Variants in MRPL3 observed in about 807,000 individuals in gnomAD.
MRPL3 encodes large ribosomal subunit protein uL3m.
Under a neutral mutation model 44.3 loss-of-function variants are expected in MRPL3, and 43 were observed. That is an observed-to-expected ratio of 0.97 (90% CI 0.76 to 1.25). MRPL3 has a LOEUF of 1.25. Ranked by LOEUF, MRPL3 falls within the 50% of genes most tolerant of loss-of-function variation. The pLI, the probability that MRPL3 is intolerant of heterozygous loss-of-function variation, is 0.00. For synonymous variants in MRPL3, 171 were observed against 152.3 expected, an observed-to-expected ratio of 1.12 and a Z score of -0.91; for missense variants, 406 against 427.6, an observed-to-expected ratio of 0.95 and a Z score of 0.45.
At chr3:131,487,591 G>T in intron 6 of MRPL3, 89 bp downstream of exon 6, 3 of 999,006 alleles carry the variant, frequency 3.0e-6, no homozygotes, top group South Asian at 2.8e-5. Flanking sequence ...TTTATTCACT[G>T]ACTTGAAAGA....
intron 6 of MRPL3, among the ~76,000 whole-genome samples, chr3:131,483,795 GAC>G (rs1195724922): frequency 2.1e-5 from 3 of 146,258 alleles, no homozygotes; most frequent in Non-Finnish European, 2.9e-5. Context: ...TTGAAATGCA[GAC>G]AGTGTTTGTT....
intron 6 of MRPL3, among the ~76,000 whole-genome samples, chr3:131,486,958 T>C (rs961361349): frequency 3.3e-5 from 5 of 152,200 alleles, no homozygotes; most frequent in African/African-American, 9.7e-5. Flanking sequence ...ACTGGGTATA[T>C]ACCCAAAGGA....
intron 3 of MRPL3, 38 bp downstream of exon 3, chr3:131,500,392 C>T: frequency 6.6e-7 from 1 of 1,512,824 alleles, no homozygotes; most frequent in Non-Finnish European, 9.2e-7. Context: ...GATCTTGAAA[C>T]ACATAGATAT....
chr3:131,490,123 A>G (rs763373624), intron 4 of MRPL3, 43 bp from the exon 5 acceptor site: 31 of 1,368,614 alleles, frequency 2.3e-5, no homozygotes, highest in Admixed American at 2.2e-4. Context: ...TTGAATATTA[A>G]AAGTGGAATT....
intron 6 of MRPL3, among the ~76,000 whole-genome samples, chr3:131,477,360 T>A (rs1933875966): frequency 6.6e-6 from 1 of 152,156 alleles, no homozygotes; most frequent in African/African-American, 2.4e-5. Flanking sequence ...ATATCCCTCC[T>A]CGTCTTTCAC....
At chr3:131,494,444 T>C (rs1358497906) in intron 4 of MRPL3, among the ~76,000 whole-genome samples, 2 of 152,250 alleles carry the variant, frequency 1.3e-5, no homozygotes, top group Non-Finnish European at 2.9e-5. Flanking sequence ...TATTAAATTT[T>C]AGAATGGACT....
chr3:131,499,906 T>C (rs1209900122), intron 3 of MRPL3, among the ~76,000 whole-genome samples: 1 of 152,172 alleles, frequency 6.6e-6, no homozygotes, highest in Non-Finnish European at 1.5e-5. Flanking sequence ...GAGTATCTTT[T>C]ACAGATGAGG....
chr3:131,474,644 T>G (rs1297976529), intron 6 of MRPL3, among the ~76,000 whole-genome samples: 1 of 152,112 alleles, frequency 6.6e-6, no homozygotes, highest in African/African-American at 2.4e-5. Context: ...AACATCAACT[T>G]GTACCCCATA....
chr3:131,484,976 T>C (rs761786853), intron 6 of MRPL3, among the ~76,000 whole-genome samples: 2 of 152,158 alleles, frequency 1.3e-5, no homozygotes, highest in Non-Finnish European at 2.9e-5. Flanking sequence ...TTGTAGCCCA[T>C]ATAACAGTGG....
intron 4 of MRPL3, among the ~76,000 whole-genome samples, chr3:131,492,950 C>T (rs547309032): frequency 6.6e-6 from 1 of 152,280 alleles, no homozygotes; most frequent in East Asian, 1.9e-4. Context: ...TCTTAAGACT[C>T]GATATAGATT....
chr3:131,497,435 T>C (rs1934395442), intron 4 of MRPL3, among the ~76,000 whole-genome samples: 1 of 152,238 alleles, frequency 6.6e-6, no homozygotes, highest in Admixed American at 6.5e-5. Context: ...GTATGGGTTG[T>C]ATCCTAATTT....
rs151182461 is a variant in MRPL3 at position 131,469,909 on chromosome 3, G to A, written c.739-136C>T. On this transcript the variant is annotated intron_variant, in intron 7 of 9. Transcript: ENST00000264995. ...CCCTATTCTGCTAGGTCCCAAGTAAGGAACTAAATATGGATTTAGGCATAT... is the reference window on the plus strand; with the variant it reads ...CCCTATTCTGCTAGGTCCCAAGTAAAGAACTAAATATGGATTTAGGCATAT... 1.4e-4 allele frequency: 77 copies of A among 560,586 alleles called. No individual in the cohort carries two copies. In the East Asian group the frequency reaches 2.0e-3, roughly 15 times the overall value. 34.7% of individuals were successfully genotyped at this position (560,586 alleles called of 1,614,324 possible).
intron 6 of MRPL3, among the ~76,000 whole-genome samples, chr3:131,478,865 G>C (rs765536775): frequency 2.0e-5 from 3 of 151,756 alleles, no homozygotes; most frequent in Non-Finnish European, 4.4e-5. Context: ...CTAATTTTTT[G>C]TCTTTTTAGT....
At chr3:131,486,258 GA>G (rs1263961941) in intron 6 of MRPL3, among the ~76,000 whole-genome samples, 21 of 148,690 alleles carry the variant, frequency 1.4e-4, no homozygotes, top group African/African-American at 5.0e-4. Context: ...TACTATTCAG[GA>G]CATAGGCATG....
chr3:131,481,346 A>G (rs1308256324), intron 6 of MRPL3, among the ~76,000 whole-genome samples: 1 of 152,244 alleles, frequency 6.6e-6, no homozygotes, highest in Non-Finnish European at 1.5e-5. Flanking sequence ...CTAATTACAA[A>G]GCAGCAACAT....
In MRPL3 at chr3:131,501,691, T is replaced by G; in HGVS notation, c.117A>C (p.Arg39Ser). Residue 39 changes from arginine (R) to serine (S), a missense_variant, in exon 2 of 10, where the codon AGA becomes AGC. Transcript: ENST00000264995. The part of the protein sequence containing the change: ...GNRTHIWLFV[R>S]GLHGKSGTWW... ...ATGTACCACTCTTTCCATGAAGACC[T>G]CTAACAAAAAGCCAGATGTGTGTTC... 1 of 1,612,746 alleles carries G rather than the reference T, an allele frequency of 6.2e-7. No homozygotes were observed. Among genetic ancestry groups the G allele is most frequent in the Non-Finnish European group, 8.5e-7 (1 of 1,179,658 alleles).
intron 5 of MRPL3, among the ~76,000 whole-genome samples, chr3:131,489,368 G>A (rs146935273): frequency 3.5e-4 from 54 of 152,204 alleles, no homozygotes; most frequent in African/African-American, 1.2e-3. Flanking sequence ...ACTTAAAGCA[G>A]TTTAGTTCCG....
intron 8 of MRPL3, among the ~76,000 whole-genome samples, chr3:131,469,337 A>G (rs1228453115): frequency 6.6e-6 from 1 of 151,756 alleles, no homozygotes; most frequent in Non-Finnish European, 1.5e-5. Flanking sequence ...ACACGTAGAG[A>G]GCTTTTGTTA....
At chr3:131,487,116 T>C (rs1452260305) in intron 6 of MRPL3, 1 of 152,690 alleles carries the variant, frequency 6.5e-6, no homozygotes, top group Non-Finnish European at 1.5e-5. Context: ...TGGAATACTA[T>C]GCAGCCATAA....
Sources: gnomAD v4.1 joint callset for allele counts (sites outside exome capture counted in the v4.1 genomes callset) on GRCh38, gnomAD v4.1.1 for gene constraint, MANE v1.5 for transcripts, NCBI Gene and HGNC (gene_info 2026-07-23, HGNC 2026-07-21) for gene names.